MEGF11: variants seen among roughly 807,000 people sequenced by gnomAD.
MEGF11 encodes multiple EGF like domains 11.
Under a neutral mutation model 146.6 loss-of-function variants are expected in MEGF11, and 126 were observed. The ratio of observed to expected loss-of-function variants is 0.86; its 90% CI spans 0.74 to 1.00. The LOEUF (loss-of-function observed/expected upper bound fraction) is 1.00. Among genes scored for constraint, MEGF11 ranks in the 50% least tolerant of loss-of-function variants. MEGF11 has a pLI of 0.00. For missense variants in MEGF11, 1,509 were observed against 1,521.2 expected (o/e 0.99, Z 0.13); for synonymous variants, 532 against 583.4 (o/e 0.91, Z 1.27).
chr15:65,988,053 G>A (rs917280135), intron 5 of MEGF11, among the ~76,000 whole-genome samples: 15 of 143,286 alleles, frequency 1.0e-4, no homozygotes, highest in African/African-American at 3.6e-4. Flanking sequence ...TGTCCCCCAG[G>A]CTGGAGTGCA....
intron 4 of MEGF11, among the ~76,000 whole-genome samples, chr15:66,114,788 G>C (rs2087637761): frequency 6.6e-6 from 1 of 151,556 alleles, no homozygotes; most frequent in Non-Finnish European, 1.5e-5. Flanking sequence ...GCAGGGGTGG[G>C]TGGGAACCTC....
intron 7 of MEGF11, among the ~76,000 whole-genome samples, chr15:65,977,029 C>T (rs1487788573): frequency 2.6e-5 from 4 of 151,794 alleles, no homozygotes; most frequent in Admixed American, 6.6e-5. Context: ...GTTAGCCGGG[C>T]GTGATGGCGG....
intron 1 of MEGF11, among the ~76,000 whole-genome samples, chr15:66,244,282 T>C (rs2092262545): frequency 6.6e-6 from 1 of 152,164 alleles, no homozygotes; most frequent in African/African-American, 2.4e-5. Flanking sequence ...TCTGAAGACC[T>C]GAGGCCCATT....
At chr15:66,017,803 G>A (rs2082945041) in intron 5 of MEGF11, among the ~76,000 whole-genome samples, 1 of 152,250 alleles carries the variant, frequency 6.6e-6, no homozygotes, top group Non-Finnish European at 1.5e-5. Flanking sequence ...CTAAGAGTGA[G>A]TGAGCAGGAG....
intron 1 of MEGF11, among the ~76,000 whole-genome samples, chr15:66,253,295 A>G (rs1270743333): frequency 6.6e-6 from 1 of 152,124 alleles, no homozygotes; most frequent in Non-Finnish European, 1.5e-5. Flanking sequence ...CTTCCCCCGC[A>G]CGTGGAGGCG....
intron 1 of MEGF11, among the ~76,000 whole-genome samples, chr15:66,162,635 T>C (rs920794871): frequency 2.0e-4 from 31 of 152,070 alleles, no homozygotes; most frequent in Admixed American, 1.3e-4. Context: ...TAGTTACCTC[T>C]GGGAGGGGAG....
In MEGF11 at chr15:66,038,360, T is replaced by C. The variant is rs190387367; in HGVS notation, c.395-55872A>G. Among the ~76,000 whole-genome samples the C allele has an allele frequency of 3.3e-3, 500 of 152,312 alleles. 5 individuals carry two copies. The highest frequency in any genetic ancestry group is 0.011 in the African/African-American group (465 of 41,548). Reference sequence around the variant, plus strand: ...ACCATGGGCATGTCACTTCCCTGCCTGCCTCTGAGCCTCCATTTTCTCCTT... The same window carrying C: ...ACCATGGGCATGTCACTTCCCTGCCCGCCTCTGAGCCTCCATTTTCTCCTT... On this transcript the variant is annotated intron_variant, in intron 5 of 25. Transcript: ENST00000395614.
chr15:66,227,151 T>C (rs1376985042), intron 1 of MEGF11, among the ~76,000 whole-genome samples: 2 of 152,136 alleles, frequency 1.3e-5, no homozygotes, highest in African/African-American at 2.4e-5. Context: ...ACATCTTTTA[T>C]TAGGTCAATA....
At chr15:65,994,556 A>G (rs911584568) in intron 5 of MEGF11, among the ~76,000 whole-genome samples, 3 of 152,218 alleles carry the variant, frequency 2.0e-5, no homozygotes, top group African/African-American at 7.2e-5. Context: ...AAGCGACTCC[A>G]GCAGCTTATC....
chr15:66,049,025 T>G (rs2084343908), intron 5 of MEGF11, among the ~76,000 whole-genome samples: 2 of 152,204 alleles, frequency 1.3e-5, no homozygotes, highest in South Asian at 4.1e-4. Flanking sequence ...GAGGAAGGGC[T>G]GCAGAAGAGA....
At chr15:66,122,801 G>T (rs904476129) in intron 3 of MEGF11, among the ~76,000 whole-genome samples, 51 of 137,614 alleles carry the variant, frequency 3.7e-4, no homozygotes, top group Middle Eastern at 3.7e-3. Flanking sequence ...TTTTTTGAGA[G>T]AGAGTCTCGC....
chr15:66,033,913 C>A (rs2083628050), intron 5 of MEGF11, among the ~76,000 whole-genome samples: 1 of 152,196 alleles, frequency 6.6e-6, no homozygotes, highest in Non-Finnish European at 1.5e-5. Flanking sequence ...GCCTCAGCCT[C>A]CCCAGTAGCT....
intron 5 of MEGF11, among the ~76,000 whole-genome samples, chr15:66,087,127 A>G (rs2086142067): frequency 6.6e-6 from 1 of 152,258 alleles, no homozygotes; most frequent in Non-Finnish European, 1.5e-5. Context: ...AAATATCACA[A>G]TCCTAAACAT....
chr15:66,185,220 C>A (rs1440415168), intron 1 of MEGF11, among the ~76,000 whole-genome samples: 1 of 152,098 alleles, frequency 6.6e-6, no homozygotes, highest in Non-Finnish European at 1.5e-5. Flanking sequence ...GCTCCCTGCA[C>A]CCTCCTCCCA....
intron 1 of MEGF11, among the ~76,000 whole-genome samples, chr15:66,174,738 T>C (rs1303681173): frequency 6.6e-6 from 1 of 152,026 alleles, no homozygotes; most frequent in Non-Finnish European, 1.5e-5. Flanking sequence ...CTGACATAGA[T>C]CATTCCAAAA....
At position 66,061,371 on chromosome 15, in the gene MEGF11, G is replaced by A. The variant is rs2084899227; in HGVS notation, c.394+33031C>T. On this transcript the variant is annotated intron_variant, in intron 5 of 25. Transcript: ENST00000395614. ...CTCACTGTCCCCTTCTCCTAACATG[G>A]GGCTGGAAAGGCTTGACCCCCACAC... Among the ~76,000 whole-genome samples, 3 of 152,114 alleles carry A rather than the reference G, an allele frequency of 2.0e-5. No homozygotes were observed. In the South Asian group the frequency reaches 6.2e-4, roughly 32 times the overall value.
chr15:65,990,681 GGAA>G (rs1301920743), intron 5 of MEGF11, among the ~76,000 whole-genome samples: 1 of 148,060 alleles, frequency 6.8e-6, no homozygotes. Context: ...AGGGAAGAAA[GGAA>G]GAAAGGAAGA....
Position 65,896,098 on chromosome 15 carries a change from C to T in MEGF11, c.*1836G>A, listed in dbSNP as rs969624427. The T allele has an allele frequency of 7.2e-5, 11 of 152,314 alleles. No homozygotes were observed. Among genetic ancestry groups the T allele is most frequent in the Admixed American group, 6.6e-5 (1 of 15,266 alleles). 9.4% of individuals were successfully genotyped at this position (152,314 alleles called of 1,614,324 possible). ...ATCCTTGCTTCACAAACACTTGCTG[C>T]CCTGAAATACTGAGGTAAGCTGCTT... On this transcript the variant is annotated 3_prime_UTR_variant, in exon 26 of 26. Coordinates refer to ENST00000395614, the MANE Select transcript of MEGF11 (RefSeq NM_001385028.1).
intron 5 of MEGF11, among the ~76,000 whole-genome samples, chr15:66,070,567 G>C (rs1178219660): frequency 6.6e-6 from 1 of 152,228 alleles, no homozygotes; most frequent in African/African-American, 2.4e-5. Flanking sequence ...TGGCTCTGGT[G>C]GTGGTGGGGG....
Sources: allele counts gnomAD v4.1 joint callset (sites outside exome capture counted in the v4.1 genomes callset), GRCh38; gene constraint gnomAD v4.1.1; transcripts MANE v1.5; gene names NCBI Gene and HGNC (gene_info 2026-07-23, HGNC 2026-07-21).